NRDE2: variants seen among roughly 807,000 people sequenced by gnomAD.
NRDE2 encodes the protein NRDE-2, necessary for RNA interference, domain containing.
A neutral mutation model predicts 124.2 loss-of-function variants in NRDE2; 76 were observed. The observed-to-expected ratio is 0.61, with a 90% CI of 0.51 to 0.74. NRDE2 has a LOEUF of 0.74. NRDE2 is among the 30% of genes least tolerant of loss of function. NRDE2 has a pLI of 0.00. For synonymous variants in NRDE2, 489 were observed against 528.1 expected (o/e 0.93, Z 1.01); for missense variants, 1,314 against 1,417.3 (o/e 0.93, Z 1.17).
At chr14:90,312,874 C>T (rs1294367840) in intron 3 of NRDE2, among the ~76,000 whole-genome samples, 1 of 152,152 alleles carries the variant, frequency 6.6e-6, no homozygotes, top group South Asian at 2.1e-4. Flanking sequence ...ACCTGAATTT[C>T]AAATATATTT....
intron 1 of NRDE2, among the ~76,000 whole-genome samples, chr14:90,324,304 G>C (rs1885341309): frequency 6.6e-6 from 1 of 152,168 alleles, no homozygotes; most frequent in Non-Finnish European, 1.5e-5. Context: ...GCAATGGGCA[G>C]ATGGTCATGT....
At chr14:90,283,913 G>A (rs1171422693) in intron 12 of NRDE2, among the ~76,000 whole-genome samples, 14 of 151,974 alleles carry the variant, frequency 9.2e-5, no homozygotes, top group African/African-American at 1.7e-4. Context: ...GCGTTTCACC[G>A]TGTTAGCCAA....
At position 90,270,418 on chromosome 14, in the gene NRDE2, G is replaced by A; in HGVS notation, c.*7918C>T. 2 of 1,525,664 alleles carry A rather than the reference G, an allele frequency of 1.3e-6. No individual in the cohort carries two copies. The highest frequency in any genetic ancestry group is 1.8e-6 in the Non-Finnish European group (2 of 1,133,404). The allele number at this position is 1,525,664 out of a possible 1,614,324, so 94.5% of individuals were successfully genotyped here. On this transcript the variant is annotated 3_prime_UTR_variant, in exon 14 of 14. Coordinates refer to ENST00000354366, the MANE Select transcript of NRDE2 (RefSeq NM_017970.4). ...CCGTCAATCAGGAAAGAGTCTATAT[G>A]TGCTCTTGGGATGGTGGTTGGCCTG...
In NRDE2 at chr14:90,288,890, C is replaced by A; in HGVS notation, c.2485G>T (p.Glu829Ter). The change falls in exon 11 of 14, where the codon GAG becomes TAG. Residue 829 changes from glutamate (E) to a stop codon, truncating the protein, a stop_gained. Coordinates refer to ENST00000354366, the MANE Select transcript of NRDE2 (RefSeq NM_017970.4). LOFTEE classifies it high-confidence loss of function. ...DLCELSLLYA[E>*]LEVELSPEVR... ...TCTGGCGACAGCTCCACCTCCAGCTCAGCATAGAGCAGACTGAGCTCACAG... is the reference window on the plus strand; with the variant it reads ...TCTGGCGACAGCTCCACCTCCAGCTAAGCATAGAGCAGACTGAGCTCACAG... The A allele has an allele frequency of 1.9e-6, 3 of 1,614,184 alleles. No individual in the cohort carries two copies. Among genetic ancestry groups the A allele is most frequent in the Non-Finnish European group, 2.5e-6 (3 of 1,180,022 alleles).
chr14:90,327,535 T>A, intron 1 of NRDE2, among the ~76,000 whole-genome samples: 1 of 147,368 alleles, frequency 6.8e-6, no homozygotes, highest in African/African-American at 2.5e-5. Context: ...GGCGACAGAG[T>A]GAAACCTCAT....
At chr14:90,296,277 G>A (rs932749679) in intron 8 of NRDE2, among the ~76,000 whole-genome samples, 8 of 152,138 alleles carry the variant, frequency 5.3e-5, no homozygotes, top group Non-Finnish European at 1.2e-4. Flanking sequence ...TTGCTTATGC[G>A]GTCTTGCAGA....
rs763527113 is a variant in NRDE2, at chr14:90,303,017, G to A, written c.1114C>T (p.Arg372Trp). Residue 372 changes from arginine to tryptophan, a missense_variant, in exon 6 of 14, where the codon CGG becomes TGG. Physicochemically the swap from Arg to Trp is moderately radical, Grantham distance 101. Transcript: ENST00000354366. The stretch of plus-strand genomic sequence containing the variant: ...CTGCTCTGGTTGCTCTCAATGGCCC[G>A]CTCCAGAATGGCCAGCTTCTTCTCC... The part of the protein sequence containing the change: ...ILEKKLAILE[R>W]AIESNQSSVD... 2.1e-5 allele frequency: 34 copies of A among 1,613,852 alleles called. No homozygotes were observed. The highest frequency in any genetic ancestry group is 3.3e-4 in the Middle Eastern group (2 of 6,084).
chr14:90,326,537 T>C (rs967552682), intron 1 of NRDE2, among the ~76,000 whole-genome samples: 3 of 148,814 alleles, frequency 2.0e-5, no homozygotes, highest in Admixed American at 2.0e-4. Context: ...GAAAATGTAG[T>C]TGCTCTTATA....
chr14:90,290,405 G>T lies in NRDE2; in HGVS notation c.2045C>A (p.Pro682His), dbSNP rs567282029. The change falls in exon 10 of 14, where the codon CCT (proline) becomes CAT (histidine). Residue 682 changes from proline (P) to histidine (H), a missense_variant. Physicochemically the swap from Pro to His is moderately conservative, Grantham distance 77. Coordinates refer to ENST00000354366, the MANE Select transcript of NRDE2 (RefSeq NM_017970.4). ...YDEKPLTFFN[P>H]LFSGASCVGR... ...AACACAGCTAGCCCCAGAAAACAAA[G>T]GGTTGAAAAAAGTCAAGGGCTTTTC... 6.2e-7 allele frequency: 1 copy of T among 1,613,988 alleles called. No homozygotes were observed. Among genetic ancestry groups the T allele is most frequent in the Admixed American group, 1.7e-5 (1 of 60,004 alleles).
rs73316770 is a variant in NRDE2, at chr14:90,273,628, G to A, written c.*4708C>T. ...TCTGTAGGTCAGAAGTCCAACACGA[G>A]TGTCTCCAGGCTAAAGTCTTGCTGT... On this transcript the variant is annotated 3_prime_UTR_variant, in exon 14 of 14. Coordinates refer to ENST00000354366, the MANE Select transcript of NRDE2 (RefSeq NM_017970.4). 10,317 of 152,516 alleles carry A rather than the reference G, an allele frequency of 0.068. 392 individuals carry two copies. The highest frequency in any genetic ancestry group is 0.11 in the Middle Eastern group (34 of 322). The allele number at this position is 152,516 out of a possible 1,614,324, so 9.4% of individuals were successfully genotyped here. A position where few individuals can be genotyped will look rare whatever the true frequency, so the allele number is the denominator to read the frequency against.
Position 90,272,183 on chromosome 14 carries a change from C to G in NRDE2, c.*6153G>C, listed in dbSNP as rs970602954. 6.8e-6 allele frequency: 10 copies of G among 1,465,412 alleles called. No individual in the cohort carries two copies. Among genetic ancestry groups the G allele is most frequent in the Non-Finnish European group, 9.3e-6 (10 of 1,080,232 alleles). 90.8% of individuals were successfully genotyped at this position (1,465,412 alleles called of 1,614,324 possible). On this transcript the variant is annotated 3_prime_UTR_variant, in exon 14 of 14. Transcript: ENST00000354366. The surrounding 1 kb of genome is among the most constrained non-coding windows in gnomAD (Gnocchi z 4.5). ...TGCTGGGATTACAGGTGTGAGCCACCGCGCCTGGCCTCAGAATAGGTTTTT... is the reference window on the plus strand; with the variant it reads ...TGCTGGGATTACAGGTGTGAGCCACGGCGCCTGGCCTCAGAATAGGTTTTT...
rs760287446 is a variant in NRDE2 at position 90,269,369 on chromosome 14, C to T, written c.*8967G>A. On this transcript the variant is annotated 3_prime_UTR_variant, in exon 14 of 14. Transcript: ENST00000354366. ...TTGAGCAGGCGATCAGTTGAGTCTT[C>T]ATTCCTTCCCTTTTTTTTTTTCCAA... 6.4e-7 allele frequency: 1 copy of T among 1,568,342 alleles called. No individual in the cohort carries two copies. The highest frequency in any genetic ancestry group is 8.6e-7 in the Non-Finnish European group (1 of 1,161,802).
chr14:90,301,802 G>A (rs761457465), intron 6 of NRDE2: 24 of 455,950 alleles, frequency 5.3e-5, no homozygotes, highest in South Asian at 2.2e-4. Context: ...GTTCAGAGTC[G>A]GCTGTAAACA....
chr14:90,290,581 A>G lies in NRDE2; in HGVS notation c.1869T>C (p.Ser623=), dbSNP rs894611811. ...RQVLFDDIGQ[S]LIRLSSHDLQ... ...GATCATGGCTGGAAAGTCTGATCAA[A>G]GATTGCCCAATATCATCAAACAACA... The change falls in exon 10 of 14, where the codon TCT becomes TCC. Residue 623 remains serine, a synonymous_variant. Transcript: ENST00000354366. 4.3e-6 allele frequency: 7 copies of G among 1,611,718 alleles called. No individual in the cohort carries two copies. Among genetic ancestry groups the G allele is most frequent in the Non-Finnish European group, 5.9e-6 (7 of 1,178,748 alleles).
chr14:90,286,673 A>G (rs1892113405), intron 11 of NRDE2, among the ~76,000 whole-genome samples, 181 bp from the exon 12 acceptor site: 1 of 152,240 alleles, frequency 6.6e-6, no homozygotes, highest in Admixed American at 6.5e-5. Context: ...GAGAAGGCAC[A>G]GGCCAGAGTT....
Position 90,268,611 on chromosome 14 carries a change from G to C in NRDE2, c.*9725C>G. ...GTAACTGTGAACGTCTGGAGAGATT[G>C]GTCAGTTATGAATAACCATGTCTTG... is the stretch of plus-strand genomic sequence containing the variant. On this transcript the variant is annotated 3_prime_UTR_variant, in exon 14 of 14. Transcript: ENST00000354366. 1.8e-6 allele frequency: 1 copy of C among 558,686 alleles called. No homozygotes were observed. The highest frequency in any genetic ancestry group is 3.4e-5 in the Admixed American group (1 of 29,638). 34.6% of individuals were successfully genotyped at this position (558,686 alleles called of 1,614,324 possible).
intron 4 of NRDE2, among the ~76,000 whole-genome samples, chr14:90,305,485 C>G (rs1470055435): frequency 6.6e-6 from 1 of 152,214 alleles, no homozygotes; most frequent in African/African-American, 2.4e-5. Context: ...ATGCTCTCGG[C>G]AGCTTTATTC....
intron 4 of NRDE2, among the ~76,000 whole-genome samples, chr14:90,310,445 C>T (rs187747885): frequency 6.6e-6 from 1 of 152,070 alleles, no homozygotes; most frequent in Non-Finnish European, 1.5e-5. Flanking sequence ...GAGGATCAGA[C>T]AGGCTAACTT....
Position 90,272,234 on chromosome 14 carries a change from G to A in NRDE2, c.*6102C>T. The A allele has an allele frequency of 6.3e-7, 1 of 1,595,828 alleles. No individual in the cohort carries two copies. The highest frequency in any genetic ancestry group is 1.4e-5 in the African/African-American group (1 of 73,730). On this transcript the variant is annotated 3_prime_UTR_variant, in exon 14 of 14. Coordinates refer to ENST00000354366, the MANE Select transcript of NRDE2 (RefSeq NM_017970.4). This position sits in a 1 kb window ranked among gnomAD's most constrained non-coding sequence, Gnocchi z 4.5. ...TGGAATTCCTTGTTAGAATAAAAATGAGTATGTCACTTTCTGAACACACTC... is the reference window on the plus strand; with the variant it reads ...TGGAATTCCTTGTTAGAATAAAAATAAGTATGTCACTTTCTGAACACACTC...
Sources: allele counts gnomAD v4.1 joint callset (sites outside exome capture counted in the v4.1 genomes callset), GRCh38; gene constraint gnomAD v4.1.1; non-coding constraint Gnocchi (gnomAD v3.1); transcripts MANE v1.5; gene names NCBI Gene and HGNC (gene_info 2026-07-23, HGNC 2026-07-21).